VAV3: variants seen among roughly 807,000 people sequenced by gnomAD.
The protein encoded by VAV3 is guanine nucleotide exchange factor VAV3.
Under a neutral mutation model 131.2 loss-of-function variants are expected in VAV3, and 94 were observed. The observed-to-expected ratio is 0.72, with a 90% CI of 0.61 to 0.85. The LOEUF (loss-of-function observed/expected upper bound fraction) is 0.85, where lower values mean the gene tolerates loss of function less well. Ranked by LOEUF, VAV3 falls within the 40% of genes least tolerant of loss-of-function variation. The probability of loss-of-function intolerance (pLI) is 0.00; values close to 1 mark genes in which losing one functional copy is unlikely to be tolerated. For missense variants in VAV3, 939 were observed against 1,002.7 expected, an observed-to-expected ratio of 0.94 and a Z score of 0.86; for synonymous variants, 349 against 342.0, an observed-to-expected ratio of 1.02 and a Z score of -0.22.
Position 107,765,180 on chromosome 1 carries a change from A to C in VAV3, c.822-5T>G. 6.2e-7 allele frequency: 1 copy of C among 1,607,784 alleles called. No individual in the cohort carries two copies. Among genetic ancestry groups the C allele is most frequent in the Non-Finnish European group, 8.5e-7 (1 of 1,175,038 alleles). Reference sequence around the variant, plus strand: ...TACTGCCCGTAAATAACCAATCTGAAAGGGAAAAAAGACAAGAAATCTCTA... The same window carrying C: ...TACTGCCCGTAAATAACCAATCTGACAGGGAAAAAAGACAAGAAATCTCTA... On this transcript the variant is annotated splice_polypyrimidine_tract_variant and splice_region_variant and intron_variant, in intron 8 of 26. Coordinates refer to ENST00000370056, the MANE Select transcript of VAV3 (RefSeq NM_006113.5).
At chr1:107,694,307 G>A (rs1557768659) in intron 17 of VAV3, among the ~76,000 whole-genome samples, 1 of 152,266 alleles carries the variant, frequency 6.6e-6, no homozygotes, top group East Asian at 1.9e-4. Flanking sequence ...AAGGGAGCAT[G>A]TTTCAGGCAG....
intron 2 of VAV3, among the ~76,000 whole-genome samples, chr1:107,816,182 T>C (rs891808236): frequency 6.6e-6 from 1 of 152,092 alleles, no homozygotes; most frequent in Non-Finnish European, 1.5e-5. Flanking sequence ...AGAAAGGCAA[T>C]GTGATGTATA....
intron 14 of VAV3, 58 bp from the exon 15 acceptor site, chr1:107,749,135 T>G (rs1663543800): frequency 8.0e-7 from 1 of 1,244,578 alleles, no homozygotes; most frequent in Non-Finnish European, 1.1e-6. Flanking sequence ...GTTTCTAAAT[T>G]CACAAGAATA....
intron 2 of VAV3, among the ~76,000 whole-genome samples, chr1:107,802,036 C>T (rs572151953): frequency 2.5e-4 from 38 of 151,978 alleles, no homozygotes; most frequent in African/African-American, 7.2e-4. Flanking sequence ...ATCTCTTCAT[C>T]GGCATTTTAA....
intron 2 of VAV3, among the ~76,000 whole-genome samples, chr1:107,794,812 A>G (rs1403932815): frequency 2.6e-5 from 4 of 152,186 alleles, no homozygotes; most frequent in African/African-American, 9.7e-5. Flanking sequence ...GGGTCTGAGT[A>G]TTTACCAAGA....
intron 7 of VAV3, among the ~76,000 whole-genome samples, chr1:107,766,775 A>C (rs963354232): frequency 6.6e-6 from 1 of 151,766 alleles, no homozygotes. Flanking sequence ...GAAGAGGAGG[A>C]GGGAGAGCAG....
At chr1:107,897,455 AG>A (rs1393418830) in intron 1 of VAV3, among the ~76,000 whole-genome samples, 1 of 151,822 alleles carries the variant, frequency 6.6e-6, no homozygotes, top group African/African-American at 2.4e-5. Context: ...AGGAGCAACC[AG>A]GACCCAGAAA....
intron 2 of VAV3, among the ~76,000 whole-genome samples, chr1:107,872,227 G>A (rs1670287908): frequency 6.6e-6 from 1 of 152,060 alleles, no homozygotes; most frequent in Non-Finnish European, 1.5e-5. Flanking sequence ...TTCCTCATCT[G>A]AAGAATGTCT....
At chr1:107,687,449 T>C (rs1194231697) in intron 18 of VAV3, among the ~76,000 whole-genome samples, 2 of 152,230 alleles carry the variant, frequency 1.3e-5, no homozygotes, top group Non-Finnish European at 2.9e-5. Flanking sequence ...ATAATTTTCA[T>C]CGTTACTTTG....
At chr1:107,652,907 A>G (rs760794603) in intron 19 of VAV3, among the ~76,000 whole-genome samples, 20 of 152,122 alleles carry the variant, frequency 1.3e-4, no homozygotes, top group Non-Finnish European at 2.8e-4. Flanking sequence ...GGCCCTCTTA[A>G]TAATTTATAC....
chr1:107,845,079 C>T (rs1399477163), intron 2 of VAV3, among the ~76,000 whole-genome samples: 2 of 152,178 alleles, frequency 1.3e-5, no homozygotes, highest in African/African-American at 2.4e-5. Context: ...CTGGTGGGTG[C>T]CCCTCTGGGA....
At chr1:107,742,097 G>A (rs988822690) in intron 15 of VAV3, among the ~76,000 whole-genome samples, 1 of 152,122 alleles carries the variant, frequency 6.6e-6, no homozygotes, top group East Asian at 1.9e-4. Context: ...AATGCTGCTG[G>A]TAGAGAACAT....
chr1:107,719,111 A>G (rs1193533977), intron 15 of VAV3, among the ~76,000 whole-genome samples: 1 of 152,260 alleles, frequency 6.6e-6, no homozygotes, highest in Non-Finnish European at 1.5e-5. Flanking sequence ...ACCCTAGAAG[A>G]AAACCTAGGC....
intron 19 of VAV3, among the ~76,000 whole-genome samples, chr1:107,661,506 T>C (rs776504602): frequency 6.6e-6 from 1 of 152,196 alleles, no homozygotes; most frequent in Non-Finnish European, 1.5e-5. Context: ...ACATAACTTG[T>C]ATATTAATTT....
At chr1:107,864,907 G>A (rs1295382385) in intron 2 of VAV3, among the ~76,000 whole-genome samples, 1 of 152,152 alleles carries the variant, frequency 6.6e-6, no homozygotes, top group Non-Finnish European at 1.5e-5. Flanking sequence ...CCTGATAAAC[G>A]AGCACATGGC....
intron 2 of VAV3, among the ~76,000 whole-genome samples, chr1:107,871,328 T>G (rs865968541): frequency 4.7e-5 from 7 of 148,976 alleles, no homozygotes; most frequent in South Asian, 2.2e-4. Flanking sequence ...ACGTCCCCCA[T>G]TCCCCCCCTC....
At position 107,651,072 on chromosome 1, in the gene VAV3, A is replaced by G. The variant is rs559654872; in HGVS notation, c.1778-8317T>C. On this transcript the variant is annotated intron_variant, in intron 19 of 26. Transcript: ENST00000370056. ...ATGTGCAGAATTCCTGCCCTTGTAA[A>G]AGAGGCCCTAGAGAGCTCCCTCACC... Among the ~76,000 whole-genome samples the G allele has an allele frequency of 6.6e-5, 10 of 152,182 alleles. No homozygotes were observed. The South Asian group carries it at 1.9e-3, about 29-fold the overall frequency.
At chr1:107,688,916 G>C (rs932373516) in intron 17 of VAV3, among the ~76,000 whole-genome samples, 4 of 151,940 alleles carry the variant, frequency 2.6e-5, no homozygotes, top group Admixed American at 6.5e-5. Context: ...CAGAAATACA[G>C]TTTGAGTTAA....
chr1:107,959,468 T>C (rs1326973174), intron 1 of VAV3, among the ~76,000 whole-genome samples: 1 of 152,064 alleles, frequency 6.6e-6, no homozygotes, highest in Non-Finnish European at 1.5e-5. Context: ...CAAGGAAACT[T>C]ATATTGTTTA....
Sources: allele counts gnomAD v4.1 joint callset (sites outside exome capture counted in the v4.1 genomes callset), GRCh38; gene constraint gnomAD v4.1.1; transcripts MANE v1.5; gene names NCBI Gene and HGNC (gene_info 2026-07-23, HGNC 2026-07-21).